Variants in GIPC2 observed in about 807,000 individuals in gnomAD.
The protein encoded by GIPC2 is PDZ domain-containing protein GIPC2.
A neutral mutation model predicts 30.6 loss-of-function variants in GIPC2; 30 were observed. The observed-to-expected ratio is 0.98, with a 90% confidence interval of 0.73 to 1.33. The LOEUF (loss-of-function observed/expected upper bound fraction) is 1.33, where lower values mean the gene tolerates loss of function less well. GIPC2 is among the 40% of genes most tolerant of loss of function. The probability of loss-of-function intolerance (pLI) is 0.00; values close to 1 mark genes in which losing one functional copy is unlikely to be tolerated. For synonymous variants in GIPC2, 167 were observed against 150.0 expected (o/e 1.11, Z -0.83); for missense variants, 414 against 390.3 (o/e 1.06, Z -0.51).
intron 2 of GIPC2, among the ~76,000 whole-genome samples, chr1:78,087,778 A>G (rs1425042200): frequency 6.6e-6 from 1 of 152,228 alleles, no homozygotes; most frequent in Admixed American, 6.5e-5. Flanking sequence ...AATTAAACTT[A>G]GGAGCTTCTG....
intron 2 of GIPC2, among the ~76,000 whole-genome samples, chr1:78,088,696 T>C (rs1661980062): frequency 6.6e-6 from 1 of 152,002 alleles, no homozygotes; most frequent in Middle Eastern, 3.2e-3. Flanking sequence ...TAGAAAAAAT[T>C]AGCTGGGTAT....
At chr1:78,052,987 A>G (rs1441232480) in intron 1 of GIPC2, among the ~76,000 whole-genome samples, 3 of 152,222 alleles carry the variant, frequency 2.0e-5, no homozygotes, top group African/African-American at 7.2e-5. Context: ...GGAAACTAGG[A>G]CGAATAGAGA....
chr1:78,099,984 C>T (rs1320280545), intron 3 of GIPC2, among the ~76,000 whole-genome samples: 1 of 151,970 alleles, frequency 6.6e-6, no homozygotes, highest in African/African-American at 2.4e-5. Flanking sequence ...ATATCAAGGG[C>T]CTTATATATG....
chr1:78,077,906 C>T (rs535322622), intron 1 of GIPC2, among the ~76,000 whole-genome samples: 26 of 152,222 alleles, frequency 1.7e-4, no homozygotes, highest in South Asian at 1.0e-3. Flanking sequence ...TAGTGTATCA[C>T]GGCCGGGCGC....
At chr1:78,096,722 G>A (rs1370771184) in intron 3 of GIPC2, among the ~76,000 whole-genome samples, 1 of 152,088 alleles carries the variant, frequency 6.6e-6, no homozygotes, top group East Asian at 1.9e-4. Context: ...CTATTGAACC[G>A]GCTGTTGCCT....
intron 5 of GIPC2, among the ~76,000 whole-genome samples, chr1:78,131,565 A>G (rs1461931363): frequency 6.6e-6 from 1 of 152,192 alleles, no homozygotes; most frequent in East Asian, 1.9e-4. Flanking sequence ...CAACAGATGA[A>G]AATAATCTTA....
chr1:78,079,909 C>T (rs994725301), intron 1 of GIPC2, among the ~76,000 whole-genome samples: 1 of 152,096 alleles, frequency 6.6e-6, no homozygotes, highest in Non-Finnish European at 1.5e-5. Context: ...CAACTTTTCA[C>T]CATTTGGTTT....
chr1:78,057,227 A>G (rs896617911), intron 1 of GIPC2, among the ~76,000 whole-genome samples: 68 of 152,158 alleles, frequency 4.5e-4, no homozygotes, highest in African/African-American at 1.2e-3. Flanking sequence ...AGTCTCTCCT[A>G]TGTTTTTTAT....
At chr1:78,054,645 TC>T (rs1661254071) in intron 1 of GIPC2, among the ~76,000 whole-genome samples, 1 of 152,204 alleles carries the variant, frequency 6.6e-6, no homozygotes. Flanking sequence ...TATATCACAG[TC>T]ATTATGTAGG....
intron 4 of GIPC2, among the ~76,000 whole-genome samples, chr1:78,119,773 C>T (rs1662643726): frequency 6.6e-6 from 1 of 152,082 alleles, no homozygotes; most frequent in Non-Finnish European, 1.5e-5. Context: ...CTCTGAGAAC[C>T]AAGAAAATGT....
intron 3 of GIPC2, among the ~76,000 whole-genome samples, chr1:78,098,893 C>T (rs1417356821): frequency 6.6e-6 from 1 of 152,118 alleles, no homozygotes. Flanking sequence ...CTAGAGAAAC[C>T]TTGATCCTGA....
At chr1:78,094,680 G>A (rs1451946138) in intron 2 of GIPC2, 6 of 231,022 alleles carry the variant, frequency 2.6e-5, no homozygotes, top group Non-Finnish European at 5.1e-5. Context: ...ATGGTTGGAG[G>A]TAAGATAGTG....
chr1:78,056,975 T>C (rs1346069917), intron 1 of GIPC2, among the ~76,000 whole-genome samples: 3 of 152,222 alleles, frequency 2.0e-5, no homozygotes, highest in African/African-American at 7.2e-5. Context: ...ACAGTTTGTT[T>C]TTTGCTGATT....
At chr1:78,075,338 C>T (rs1661697810) in intron 1 of GIPC2, among the ~76,000 whole-genome samples, 1 of 152,026 alleles carries the variant, frequency 6.6e-6, no homozygotes, top group Non-Finnish European at 1.5e-5. Flanking sequence ...TGCCTGTGGT[C>T]CCAGCTACTA....
chr1:78,082,020 T>TA (rs1346959747), intron 2 of GIPC2, among the ~76,000 whole-genome samples: 2 of 152,184 alleles, frequency 1.3e-5, no homozygotes, highest in Non-Finnish European at 2.9e-5. Flanking sequence ...AAGTAGCCAT[T>TA]ATTCTGGCAT....
At chr1:78,106,165 G>A (rs1662348507) in intron 3 of GIPC2, among the ~76,000 whole-genome samples, 1 of 151,246 alleles carries the variant, frequency 6.6e-6, no homozygotes. Context: ...AACCTGGGAG[G>A]CGGAGGTTGC....
At chr1:78,051,662 G>A (rs1356773119) in intron 1 of GIPC2, among the ~76,000 whole-genome samples, 1 of 152,134 alleles carries the variant, frequency 6.6e-6, no homozygotes, top group African/African-American at 2.4e-5. Flanking sequence ...ACCATGCCCA[G>A]CTAATTTTTG....
At chr1:78,095,179 T>C in intron 3 of GIPC2, 47 bp downstream of exon 3, 2 of 1,330,044 alleles carry the variant, frequency 1.5e-6, no homozygotes, top group Non-Finnish European at 2.1e-6. Flanking sequence ...TTGCTTTCCC[T>C]GGTTTATCTT....
At chr1:78,077,733 G>A (rs1005907946) in intron 1 of GIPC2, among the ~76,000 whole-genome samples, 1 of 152,138 alleles carries the variant, frequency 6.6e-6, no homozygotes, top group African/African-American at 2.4e-5. Context: ...ATTTCTTAGA[G>A]GAGCATTGAT....
Sources: allele counts gnomAD v4.1 joint callset (sites outside exome capture counted in the v4.1 genomes callset), GRCh38; gene constraint gnomAD v4.1.1; transcripts MANE v1.5; gene names NCBI Gene and HGNC (gene_info 2026-07-23, HGNC 2026-07-21).